Variants in ERC2 observed in about 807,000 individuals in gnomAD.
ERC2 encodes ELKS/RAB6-interacting/CAST family member 2, also known as ERC protein 2.
ERC2 carries 42 observed loss-of-function variants against 114.8 expected under a neutral mutation model. The observed-to-expected ratio is 0.37, with a 90% CI of 0.29 to 0.47. The LOEUF (loss-of-function observed/expected upper bound fraction) is 0.47. ERC2 is among the 20% of genes least tolerant of loss of function. The pLI is 0.99. For missense variants in ERC2, 939 were observed against 1,150.7 expected, an observed-to-expected ratio of 0.82 and a Z score of 2.66; for synonymous variants, 454 against 425.5, an observed-to-expected ratio of 1.07 and a Z score of -0.82.
intron 16 of ERC2, among the ~76,000 whole-genome samples, chr3:55,694,038 T>C (rs1477076200): frequency 6.6e-6 from 1 of 152,006 alleles, no homozygotes; most frequent in African/African-American, 2.4e-5. Flanking sequence ...TTTTGGAAAA[T>C]AAACAAAATA....
chr3:56,070,941 G>A (rs2076708096), intron 7 of ERC2, among the ~76,000 whole-genome samples: 1 of 152,038 alleles, frequency 6.6e-6, no homozygotes, highest in Admixed American at 6.6e-5. Context: ...TCTCAATTTA[G>A]CCATTATCTT....
chr3:55,642,972 C>A (rs1424733551), intron 17 of ERC2, among the ~76,000 whole-genome samples: 1 of 152,074 alleles, frequency 6.6e-6, no homozygotes, highest in Non-Finnish European at 1.5e-5. Flanking sequence ...ACTTTATTTA[C>A]CTGGTTTTAT....
intron 17 of ERC2, among the ~76,000 whole-genome samples, chr3:55,656,098 C>CTTTATTTATTTATTTATTTA (rs144217897): frequency 5.2e-4 from 78 of 150,208 alleles, no homozygotes; most frequent in East Asian, 9.9e-4. Flanking sequence ...ATGGAATGCA[C>CTTTATTTATTTATTTATTTA]TTTATTTATT....
chr3:56,449,418 C>T (rs867527627), intron 1 of ERC2, among the ~76,000 whole-genome samples: 3 of 152,136 alleles, frequency 2.0e-5, no homozygotes, highest in African/African-American at 4.8e-5. Flanking sequence ...TAGGCCCTCT[C>T]GCCCAAGAGT....
intron 10 of ERC2, among the ~76,000 whole-genome samples, chr3:55,996,563 A>T (rs1424047737): frequency 6.6e-6 from 1 of 152,198 alleles, no homozygotes; most frequent in Non-Finnish European, 1.5e-5. Context: ...GACATTTCAG[A>T]AATGTCTGCA....
rs138266284 is a variant in ERC2, at chr3:56,334,799, A to ATTTGTTTG, written c.658-38372_658-38365dup. Among the ~76,000 whole-genome samples, 10 of 151,896 alleles carry ATTTGTTTG rather than the reference A, an allele frequency of 6.6e-5. 1 individual carries two copies. Among genetic ancestry groups the ATTTGTTTG allele is most frequent in the Non-Finnish European group, 1.5e-5 (1 of 67,976 alleles). On this transcript the variant is annotated intron_variant, in intron 2 of 17. Coordinates refer to ENST00000288221, the MANE Select transcript of ERC2 (RefSeq NM_015576.3). ...AGGATTTGAATGTAAAAATCTATTT[A>ATTTGTTTG]TTTGTTTGTTTGTTTGTTTGTTTGA...
intron 10 of ERC2, among the ~76,000 whole-genome samples, chr3:56,001,612 T>C (rs1472791811): frequency 6.6e-6 from 1 of 152,120 alleles, no homozygotes; most frequent in Non-Finnish European, 1.5e-5. Context: ...TGAAGTGAAG[T>C]AAAAGTTGAT....
chr3:56,467,682 CT>C (rs1388142449), intron 1 of ERC2, among the ~76,000 whole-genome samples: 1 of 152,070 alleles, frequency 6.6e-6, no homozygotes, highest in African/African-American at 2.4e-5. Flanking sequence ...ACACCATCCC[CT>C]AGCCCTCCCC....
chr3:56,094,237 G>T (rs6800841), intron 6 of ERC2, among the ~76,000 whole-genome samples: 27,187 of 152,166 alleles, frequency 0.18, 2,600 homozygotes, highest in African/African-American at 0.23. Context: ...ACTGCTGAAA[G>T]GGACTCAGAA....
chr3:55,728,872 A>T (rs1320194805), intron 15 of ERC2, among the ~76,000 whole-genome samples: 2 of 152,132 alleles, frequency 1.3e-5, no homozygotes, highest in African/African-American at 4.8e-5. Context: ...CTACTCCCAC[A>T]CTACTTAAAA....
chr3:55,888,935 ACAAAAACC>A (rs1231995891), intron 13 of ERC2, among the ~76,000 whole-genome samples: 3 of 152,182 alleles, frequency 2.0e-5, no homozygotes, highest in Non-Finnish European at 2.9e-5. Flanking sequence ...ACAAAACAGA[ACAAAAACC>A]CTTAAAAAAT....
intron 2 of ERC2, among the ~76,000 whole-genome samples, chr3:56,430,070 T>TCTA (rs1332361109): frequency 6.6e-6 from 1 of 152,206 alleles, no homozygotes; most frequent in Non-Finnish European, 1.5e-5. Context: ...TCTCCTTACC[T>TCTA]CTACCCTGTA....
At chr3:55,910,414 A>C (rs528079751) in intron 13 of ERC2, among the ~76,000 whole-genome samples, 116 of 152,204 alleles carry the variant, frequency 7.6e-4, no homozygotes, top group African/African-American at 2.6e-3. Flanking sequence ...AAAAAACAAA[A>C]AAAACAAAAC....
At chr3:55,918,508 A>G (rs1384352584) in intron 13 of ERC2, among the ~76,000 whole-genome samples, 4 of 152,084 alleles carry the variant, frequency 2.6e-5, no homozygotes, top group Non-Finnish European at 4.4e-5. Context: ...GAAAAACATA[A>G]CCACGAGTTT....
intron 14 of ERC2, among the ~76,000 whole-genome samples, chr3:55,762,587 T>C (rs1203731968): frequency 1.3e-5 from 2 of 152,168 alleles, no homozygotes; most frequent in African/African-American, 4.8e-5. Flanking sequence ...AGCTAGTTAG[T>C]TGGGTCAAGC....
chr3:56,392,405 G>A lies in ERC2; in HGVS notation c.657+41946C>T, dbSNP rs186304328. On this transcript the variant is annotated intron_variant, in intron 2 of 17. Transcript: ENST00000288221. The stretch of plus-strand genomic sequence containing the variant: ...AAAAGTATCCTCTATCTTTCTTGTT[G>A]GGGCTTTATATAGGACAATTTAGAA... Among the ~76,000 whole-genome samples, 5 of 152,200 alleles carry A rather than the reference G, an allele frequency of 3.3e-5. No homozygotes were observed. In the East Asian group the frequency reaches 9.7e-4, roughly 29 times the overall value.
chr3:56,257,308 C>G (rs1181530705), intron 3 of ERC2, among the ~76,000 whole-genome samples: 1 of 152,142 alleles, frequency 6.6e-6, no homozygotes, highest in African/African-American at 2.4e-5. Flanking sequence ...AGTTTCTGCC[C>G]TAGTAAAGTG....
chr3:56,241,761 T>C (rs1230927835), intron 3 of ERC2, among the ~76,000 whole-genome samples: 1 of 152,148 alleles, frequency 6.6e-6, no homozygotes, highest in Non-Finnish European at 1.5e-5. Flanking sequence ...AAGCACACAC[T>C]CTAACACTAG....
chr3:56,059,939 A>G (rs1402046722), intron 7 of ERC2, among the ~76,000 whole-genome samples: 2 of 152,200 alleles, frequency 1.3e-5, no homozygotes, highest in African/African-American at 4.8e-5. Context: ...CTTTGTCTGC[A>G]TTTGCACATT....
Sources: allele counts gnomAD v4.1 joint callset (sites outside exome capture counted in the v4.1 genomes callset), GRCh38; gene constraint gnomAD v4.1.1; transcripts MANE v1.5; gene names NCBI Gene and HGNC (gene_info 2026-07-23, HGNC 2026-07-21).